The following PDGFC variants were observed in gnomAD, a reference collection of about 807,000 sequenced individuals.
PDGFC encodes platelet derived growth factor C.
In PDGFC, 12 loss-of-function variants were observed where a neutral mutation model predicts 35.5. That is an observed-to-expected ratio of 0.34 (90% confidence interval 0.22 to 0.55). The LOEUF is 0.55. Among genes scored for constraint, PDGFC ranks in the 20% least tolerant of loss-of-function variants. The probability of loss-of-function intolerance (pLI) is 0.91; values close to 1 mark genes in which losing one functional copy is unlikely to be tolerated. For synonymous variants in PDGFC, 159 were observed against 148.8 expected, an observed-to-expected ratio of 1.07 and a Z score of -0.50; for missense variants, 322 against 412.4, an observed-to-expected ratio of 0.78 and a Z score of 1.90.
intron 3 of PDGFC, among the ~76,000 whole-genome samples, chr4:156,796,000 G>A (rs545297033): frequency 1.8e-4 from 27 of 152,230 alleles, no homozygotes; most frequent in African/African-American, 5.1e-4. Context: ...TGTTTCACAC[G>A]TTTACTCTGA....
chr4:156,968,735 T>C (rs1732522545), intron 1 of PDGFC, among the ~76,000 whole-genome samples: 1 of 152,166 alleles, frequency 6.6e-6, no homozygotes, highest in Admixed American at 6.5e-5. Context: ...GTAGTTCCTC[T>C]ACTTCTAGTT....
At chr4:156,932,889 G>A (rs1029172642) in intron 1 of PDGFC, among the ~76,000 whole-genome samples, 79 of 150,004 alleles carry the variant, frequency 5.3e-4, no homozygotes, top group South Asian at 3.0e-3. Context: ...TAAAACTTAA[G>A]GTATAATTAA....
chr4:156,965,111 CTGAT>C (rs1287329728), intron 1 of PDGFC, among the ~76,000 whole-genome samples: 1 of 152,186 alleles, frequency 6.6e-6, no homozygotes, highest in South Asian at 2.1e-4. Flanking sequence ...ACGTGGTACT[CTGAT>C]TGGCACAACC....
intron 1 of PDGFC, among the ~76,000 whole-genome samples, chr4:156,964,846 C>T (rs1444981481): frequency 6.6e-6 from 1 of 152,118 alleles, no homozygotes; most frequent in African/African-American, 2.4e-5. Flanking sequence ...TCATACCACA[C>T]ATGTTGCTGA....
intron 1 of PDGFC, among the ~76,000 whole-genome samples, chr4:156,959,970 A>C (rs1414172298): frequency 2.0e-5 from 3 of 151,982 alleles, no homozygotes; most frequent in Non-Finnish European, 4.4e-5. Flanking sequence ...TTAAAATAAG[A>C]ATAGAGATGA....
intron 1 of PDGFC, among the ~76,000 whole-genome samples, chr4:156,911,013 C>T (rs1010539045): frequency 2.0e-5 from 3 of 152,210 alleles, no homozygotes; most frequent in Admixed American, 6.5e-5. Flanking sequence ...ATCCTCTTAA[C>T]GCGGTGTTTT....
At chr4:156,813,155 T>C (rs568802677) in intron 2 of PDGFC, among the ~76,000 whole-genome samples, 3 of 152,188 alleles carry the variant, frequency 2.0e-5, no homozygotes, top group African/African-American at 7.2e-5. Context: ...TTGATAATCA[T>C]CATTTTTATC....
intron 1 of PDGFC, among the ~76,000 whole-genome samples, chr4:156,919,021 T>A (rs1731213403): frequency 6.6e-6 from 1 of 152,190 alleles, no homozygotes; most frequent in Admixed American, 6.5e-5. Flanking sequence ...TCCAACAATA[T>A]TAAATGTCCT....
At chr4:156,816,811 G>C (rs1486425068) in intron 2 of PDGFC, among the ~76,000 whole-genome samples, 1 of 152,138 alleles carries the variant, frequency 6.6e-6, no homozygotes, top group East Asian at 1.9e-4. Context: ...GAGAATTTCT[G>C]TATCTCTATT....
intron 1 of PDGFC, among the ~76,000 whole-genome samples, chr4:156,870,596 AAATT>A (rs1301121376): frequency 6.6e-5 from 10 of 152,134 alleles, no homozygotes; most frequent in Admixed American, 2.0e-4. Flanking sequence ...ACTTATAAAT[AAATT>A]AATATTACGA....
intron 3 of PDGFC, among the ~76,000 whole-genome samples, chr4:156,801,132 C>A (rs1172443759): frequency 6.6e-6 from 1 of 152,002 alleles, no homozygotes; most frequent in South Asian, 2.1e-4. Flanking sequence ...TTCTGATGAC[C>A]AATAGCTCCA....
chr4:156,858,285 A>G (rs1729630034), intron 1 of PDGFC, among the ~76,000 whole-genome samples: 1 of 152,072 alleles, frequency 6.6e-6, no homozygotes, highest in Non-Finnish European at 1.5e-5. Context: ...AAATAATCTT[A>G]TTTTTGTTCT....
At chr4:156,910,283 C>A (rs886076988) in intron 1 of PDGFC, among the ~76,000 whole-genome samples, 2 of 152,152 alleles carry the variant, frequency 1.3e-5, no homozygotes, top group Admixed American at 1.3e-4. Context: ...AAACCCTTCA[C>A]TCTCTTCTGC....
intron 2 of PDGFC, among the ~76,000 whole-genome samples, chr4:156,811,312 T>A (rs559973912): frequency 6.6e-6 from 1 of 152,200 alleles, no homozygotes; most frequent in African/African-American, 2.4e-5. Context: ...CTATCTGACA[T>A]TCGATTCATG....
At chr4:156,772,937 A>C in intron 3 of PDGFC, 44 bp from the exon 4 acceptor site, 1 of 1,304,456 alleles carries the variant, frequency 7.7e-7, no homozygotes, top group Non-Finnish European at 1.1e-6. Context: ...TAAAAACGAC[A>C]ATGTATTCCT....
intron 1 of PDGFC, among the ~76,000 whole-genome samples, chr4:156,860,998 T>A (rs1414199015): frequency 6.6e-6 from 1 of 152,096 alleles, no homozygotes; most frequent in East Asian, 1.9e-4. Context: ...TGAAAAAATA[T>A]AAGAAACAAC....
chr4:156,805,833 G>T (rs898485920), intron 3 of PDGFC, among the ~76,000 whole-genome samples: 1 of 151,798 alleles, frequency 6.6e-6, no homozygotes, highest in African/African-American at 2.4e-5. Flanking sequence ...ACCATATCCT[G>T]CATAATTAAT....
chr4:156,823,617 ATGT>A (rs1339251293), intron 2 of PDGFC, among the ~76,000 whole-genome samples: 1 of 152,224 alleles, frequency 6.6e-6, no homozygotes, highest in Non-Finnish European at 1.5e-5. Flanking sequence ...GTACAATGTC[ATGT>A]TGTGAGCATT....
intron 3 of PDGFC, among the ~76,000 whole-genome samples, chr4:156,804,726 GA>G (rs1440887142): frequency 6.6e-6 from 1 of 151,952 alleles, no homozygotes; most frequent in African/African-American, 2.4e-5. Flanking sequence ...GAATATTGAA[GA>G]AAAACTATTT....
Sources: allele counts gnomAD v4.1 joint callset (sites outside exome capture counted in the v4.1 genomes callset), GRCh38; gene constraint gnomAD v4.1.1; transcripts MANE v1.5; gene names NCBI Gene and HGNC (gene_info 2026-07-23, HGNC 2026-07-21).